The following CNOT1 variants were observed in gnomAD, a reference collection of about 807,000 sequenced individuals.
The protein encoded by CNOT1 is CCR4-NOT transcription complex subunit 1.
Under a neutral mutation model 273.8 loss-of-function variants are expected in CNOT1, and 15 were observed. That is an observed-to-expected ratio of 0.05 (90% CI 0.04 to 0.08). CNOT1 has a LOEUF of 0.08. Ranked by LOEUF, CNOT1 falls within the 10% of genes least tolerant of loss-of-function variation. The pLI, the probability that CNOT1 is intolerant of heterozygous loss-of-function variation, is 1.00. For missense variants in CNOT1, 1,644 were observed against 2,912.2 expected (o/e 0.56, Z 10.02); for synonymous variants, 1,022 against 1,005.5 (o/e 1.02, Z -0.31).
In CNOT1 at chr16:58,551,285, AAT is replaced by A; in HGVS notation, c.3202-15_3202-14del. 1.9e-6 allele frequency: 3 copies of A among 1,560,410 alleles called. No individual in the cohort carries two copies. Among genetic ancestry groups the A allele is most frequent in the Non-Finnish European group, 1.7e-6 (2 of 1,162,186 alleles). On this transcript the variant is annotated splice_polypyrimidine_tract_variant and intron_variant, in intron 23 of 48. Coordinates refer to ENST00000317147, the MANE Select transcript of CNOT1 (RefSeq NM_016284.5). ...TATTAATAGAAGGCTAAAAAAAAAAAATAAAGTACATAAGGCAAATAAGTTGA... is the reference window on the plus strand; with the variant it reads ...TATTAATAGAAGGCTAAAAAAAAAAAAAAGTACATAAGGCAAATAAGTTGA...
intron 2 of CNOT1, among the ~76,000 whole-genome samples, chr16:58,596,222 C>G (rs1160488686): frequency 1.3e-5 from 2 of 152,156 alleles, no homozygotes; most frequent in Non-Finnish European, 2.9e-5. Flanking sequence ...CTGCACACTA[C>G]AGAGCATGGT....
In CNOT1 at chr16:58,520,854, G is replaced by A; in HGVS notation, c.*104C>T. 1.7e-6 allele frequency: 2 copies of A among 1,206,654 alleles called. No individual in the cohort carries two copies. Among genetic ancestry groups the A allele is most frequent in the South Asian group, 1.3e-5 (1 of 79,174 alleles). 74.7% of individuals were successfully genotyped at this position (1,206,654 alleles called of 1,614,324 possible). A position where few individuals can be genotyped will look rare whatever the true frequency, so the allele number is the denominator to read the frequency against. ...TTGGGGCAGATACCCACAAACCAAA[G>A]GGCTGGGAAAGTCAGGAAGAGCTGA... is the stretch of plus-strand genomic sequence containing the variant. On this transcript the variant is annotated 3_prime_UTR_variant, in exon 49 of 49. Coordinates refer to ENST00000317147, the MANE Select transcript of CNOT1 (RefSeq NM_016284.5).
chr16:58,617,330 C>T (rs1192134978), intron 1 of CNOT1, among the ~76,000 whole-genome samples: 1 of 151,888 alleles, frequency 6.6e-6, no homozygotes, highest in Non-Finnish European at 1.5e-5. Context: ...CACTGCACTC[C>T]AACCCGGGCA....
At chr16:58,565,229 C>A (rs960792535) in intron 16 of CNOT1, among the ~76,000 whole-genome samples, 1 of 152,134 alleles carries the variant, frequency 6.6e-6, no homozygotes, top group Non-Finnish European at 1.5e-5. Flanking sequence ...CCTCCAACCT[C>A]AGCCTCCCCA....
intron 1 of CNOT1, among the ~76,000 whole-genome samples, chr16:58,626,884 C>A (rs1164893763): frequency 6.6e-6 from 1 of 151,782 alleles, no homozygotes; most frequent in East Asian, 1.9e-4. Context: ...CCATGTTGCC[C>A]AGGCTGGTCT....
chr16:58,567,136 TACA>T (rs779553236), intron 16 of CNOT1, among the ~76,000 whole-genome samples: 3 of 151,274 alleles, frequency 2.0e-5, no homozygotes, highest in African/African-American at 4.9e-5. Flanking sequence ...CTTCAGACTG[TACA>T]ACAACACAGT....
At position 58,615,709 on chromosome 16, in the gene CNOT1, T is replaced by C. The variant is rs1401000262; in HGVS notation, c.-175+14019A>G. Among the ~76,000 whole-genome samples the C allele has an allele frequency of 3.2e-5, 4 of 125,330 alleles. 1 individual carries two copies. The highest frequency in any genetic ancestry group is 1.9e-4 in the East Asian group (1 of 5,158). 82.2% of individuals were successfully genotyped at this position (125,330 alleles called of 152,430 possible). A position where few individuals can be genotyped will look rare whatever the true frequency, so the allele number is the denominator to read the frequency against. Reference sequence around the variant, plus strand: ...GAACATTTTTAGAAGTTACTCTTGATGATGGGAAATACCAAGAAAGGAAAG... The same window carrying C: ...GAACATTTTTAGAAGTTACTCTTGACGATGGGAAATACCAAGAAAGGAAAG... On this transcript the variant is annotated intron_variant, in intron 1 of 48. Coordinates refer to ENST00000317147, the MANE Select transcript of CNOT1 (RefSeq NM_016284.5).
chr16:58,525,909 A>C, intron 45 of CNOT1, 80 bp downstream of exon 45: 3 of 1,225,666 alleles, frequency 2.4e-6, no homozygotes, highest in Non-Finnish European at 3.5e-6. Context: ...ACTAACTCCC[A>C]AATGGACCAC....
At chr16:58,522,078 G>C (rs960442565) in intron 47 of CNOT1, among the ~76,000 whole-genome samples, 5 of 151,990 alleles carry the variant, frequency 3.3e-5, no homozygotes, top group Non-Finnish European at 7.4e-5. Context: ...CCAGCACTCT[G>C]GGAGGCCAAG....
chr16:58,545,145 G>C (rs543513099), intron 30 of CNOT1, among the ~76,000 whole-genome samples: 242 of 152,312 alleles, frequency 1.6e-3, no homozygotes, highest in African/African-American at 5.4e-3. Context: ...TTGGATATGA[G>C]GAACCAATAT....
intron 47 of CNOT1, among the ~76,000 whole-genome samples, chr16:58,522,108 G>T (rs925311306): frequency 1.3e-5 from 2 of 149,252 alleles, no homozygotes; most frequent in Middle Eastern, 3.6e-3. Context: ...TCACGAGGTC[G>T]GGAGTTCAAG....
At chr16:58,603,408 AGTGTGTGTGTGTGTGTGTGTGTGTGTGT>A (rs200088613) in intron 1 of CNOT1, among the ~76,000 whole-genome samples, 5 of 96,652 alleles carry the variant, frequency 5.2e-5, no homozygotes, top group Admixed American at 2.1e-4. Flanking sequence ...ACAATTTAAA[AGTGTGTGTGTGTGTGTGTGTGTGTGTGT>A]GTGTGTGTGT....
chr16:58,590,791 C>T (rs770240378), intron 2 of CNOT1, among the ~76,000 whole-genome samples: 5 of 152,122 alleles, frequency 3.3e-5, no homozygotes, highest in Non-Finnish European at 7.4e-5. Context: ...CAAAAAAGAA[C>T]AGAATTAACT....
At chr16:58,573,610 A>G (rs2041360695) in intron 16 of CNOT1, among the ~76,000 whole-genome samples, 1 of 150,536 alleles carries the variant, frequency 6.6e-6, no homozygotes, top group African/African-American at 2.4e-5. Context: ...CCTCCCAAGT[A>G]GCTGGGACTA....
chr16:58,613,214 A>G (rs1175834805), intron 1 of CNOT1, among the ~76,000 whole-genome samples: 2 of 151,910 alleles, frequency 1.3e-5, no homozygotes, highest in East Asian at 1.9e-4. Flanking sequence ...TTTTATTTTT[A>G]GTAGAGATGG....
chr16:58,578,912 C>G lies in CNOT1; in HGVS notation c.1371G>C (p.Leu457=). ...TWKSLDLIES[L]LRLAEVGQYE... Reference sequence around the variant, plus strand: ...ACTGCCCAACCTCTGCAAGCCTCAGCAGAGATTCAATCAAATCCAAGCTCT... The same window carrying G: ...ACTGCCCAACCTCTGCAAGCCTCAGGAGAGATTCAATCAAATCCAAGCTCT... The change falls in exon 13 of 49, where the codon CTG becomes CTC. Residue 457 remains leucine, a synonymous_variant. Transcript: ENST00000317147. 6.2e-7 allele frequency: 1 copy of G among 1,614,112 alleles called. No homozygotes were observed. Among genetic ancestry groups the G allele is most frequent in the Non-Finnish European group, 8.5e-7 (1 of 1,180,014 alleles).
chr16:58,546,241 T>C lies in CNOT1; in HGVS notation c.4006+80A>G, dbSNP rs539696123. On this transcript the variant is annotated intron_variant, in intron 29 of 48. Transcript: ENST00000317147. ...ACTACATTATGTGGGAAATTATAGT[T>C]TGCGATATACATGGACAAGTACCAT... 1.5e-5 allele frequency: 18 copies of C among 1,217,484 alleles called. No individual in the cohort carries two copies. The South Asian group carries it at 2.1e-4, about 14-fold the overall frequency. The allele number at this position is 1,217,484 out of a possible 1,614,324, so 75.4% of individuals were successfully genotyped here.
chr16:58,611,761 C>T (rs2152034840), intron 1 of CNOT1, among the ~76,000 whole-genome samples: 1 of 150,630 alleles, frequency 6.6e-6, no homozygotes, highest in African/African-American at 2.4e-5. Context: ...GCAGAGCTTG[C>T]AGTGAGCCGA....
intron 2 of CNOT1, among the ~76,000 whole-genome samples, chr16:58,591,229 A>G (rs192841529): frequency 1.3e-5 from 2 of 152,304 alleles, no homozygotes; most frequent in African/African-American, 4.8e-5. Context: ...GAATACACTG[A>G]CTTGTCTGAG....
Sources: allele counts gnomAD v4.1 joint callset (sites outside exome capture counted in the v4.1 genomes callset), GRCh38; gene constraint gnomAD v4.1.1; transcripts MANE v1.5; gene names NCBI Gene and HGNC (gene_info 2026-07-23, HGNC 2026-07-21).